Variants in NWD1 observed in about 807,000 individuals in gnomAD.
The protein encoded by NWD1 is NACHT and WD repeat domain containing 1.
NWD1 carries 129 observed loss-of-function variants against 135.1 expected under a neutral mutation model. The ratio of observed to expected loss-of-function variants is 0.96; its 90% confidence interval spans 0.83 to 1.11. The LOEUF is 1.11. Among genes scored for constraint, NWD1 ranks in the 50% least tolerant of loss-of-function variants. The pLI is 0.00. For synonymous variants in NWD1, 773 were observed against 786.0 expected (o/e 0.98, Z 0.28); for missense variants, 1,740 against 1,851.3 (o/e 0.94, Z 1.10).
intron 18 of NWD1, among the ~76,000 whole-genome samples, chr19:16,811,047 G>C (rs190428646): frequency 2.8e-4 from 43 of 152,052 alleles, no homozygotes; most frequent in Admixed American, 1.6e-3. Flanking sequence ...TTAATTTTTT[G>C]TAGAGACAGG....
At chr19:16,773,552 G>C (rs1969490452) in intron 11 of NWD1, among the ~76,000 whole-genome samples, 1 of 152,064 alleles carries the variant, frequency 6.6e-6, no homozygotes, top group African/African-American at 2.4e-5. Context: ...CCGATGCTAG[G>C]GGGTGCCTCC....
chr19:16,748,593 G>A (rs1176067762), intron 5 of NWD1, among the ~76,000 whole-genome samples: 1 of 152,076 alleles, frequency 6.6e-6, no homozygotes, highest in Non-Finnish European at 1.5e-5. Flanking sequence ...TTGGGAGGCC[G>A]AGGTTGAATT....
chr19:16,724,924 C>A (rs1967266937), intron 2 of NWD1, among the ~76,000 whole-genome samples: 1 of 151,920 alleles, frequency 6.6e-6, no homozygotes, highest in Admixed American at 6.6e-5. Context: ...GAACTCCTGA[C>A]CTCAGGTGGT....
intron 18 of NWD1, among the ~76,000 whole-genome samples, chr19:16,814,175 A>AT (rs1273173569): frequency 1.3e-5 from 2 of 151,958 alleles, no homozygotes; most frequent in Non-Finnish European, 2.9e-5. Context: ...ATGAGTTAAC[A>AT]TTTTTTGTAT....
rs534367849 is a variant in NWD1 at position 16,750,149 on chromosome 19, A to G, written c.1507A>G (p.Met503Val). 275 of 1,613,868 alleles carry G rather than the reference A, an allele frequency of 1.7e-4. 2 individuals carry two copies. In the East Asian group the frequency reaches 6.1e-3, roughly 36 times the overall value. ...KPLSGNQGQQ[M>V]IQLLLAAARR... ...CCTTTCCGGAAACCAAGGCCAGCAG[A>G]TGATCCAACTCCTGCTGGCAGCTGC... Residue 503 changes from methionine (M) to valine (V), a missense_variant, in exon 6 of 19, where the codon ATG (methionine) becomes GTG (valine). Coordinates refer to ENST00000524140, the MANE Select transcript of NWD1 (RefSeq NM_001007525.5).
In NWD1 at chr19:16,744,984, C is replaced by G. The variant is rs370163821; in HGVS notation, c.496+266C>G. On this transcript the variant is annotated intron_variant, in intron 5 of 18. Transcript: ENST00000524140. ...CCAGGGAGGTTCCTGGCACAGGGGC[C>G]GTATTAGTCTGTTCTCATGCCACTA... The G allele has an allele frequency of 1.9e-5, 12 of 629,782 alleles. No homozygotes were observed. In the East Asian group the frequency reaches 3.5e-4, roughly 18 times the overall value. 39.0% of individuals were successfully genotyped at this position (629,782 alleles called of 1,614,324 possible).
Position 16,744,554 on chromosome 19 carries a change from A to G in NWD1, c.332A>G (p.Asp111Gly). 1 of 1,535,676 alleles carries G rather than the reference A, an allele frequency of 6.5e-7. No homozygotes were observed. ...CTGGTGGCACGATACTTCCAGAGGGACGAGAATGCGTTTCCTCCCACCTAC... is the reference window on the plus strand; with the variant it reads ...CTGGTGGCACGATACTTCCAGAGGGGCGAGAATGCGTTTCCTCCCACCTAC... ...LELVARYFQRDENAFPPTYVL... is the reference protein window; with the variant it reads ...LELVARYFQRGENAFPPTYVL... Residue 111 changes from aspartate to glycine, a missense_variant, in exon 5 of 19, where the codon GAC becomes GGC. By Grantham distance (94) the Asp-to-Gly change is moderately conservative. Coordinates refer to ENST00000524140, the MANE Select transcript of NWD1 (RefSeq NM_001007525.5).
At position 16,738,879 on chromosome 19, in the gene NWD1, A is replaced by G. The variant is rs895370687; in HGVS notation, c.198+2129A>G. On this transcript the variant is annotated intron_variant, in intron 4 of 18. Coordinates refer to ENST00000524140, the MANE Select transcript of NWD1 (RefSeq NM_001007525.5). ...CATTATCTATAATATATAATACATT[A>G]TATATTATATATATATATATTTCAC... Among the ~76,000 whole-genome samples, 15 of 143,232 alleles carry G rather than the reference A, an allele frequency of 1.0e-4. 2 individuals are homozygous for G. Among genetic ancestry groups the G allele is most frequent in the African/African-American group, 2.0e-4 (8 of 39,062 alleles). 94.0% of individuals were successfully genotyped at this position (143,232 alleles called of 152,430 possible). A position where few individuals can be genotyped will look rare whatever the true frequency, so the allele number is the denominator to read the frequency against.
intron 6 of NWD1, among the ~76,000 whole-genome samples, chr19:16,753,405 G>A (rs188954042): frequency 2.6e-5 from 4 of 152,290 alleles, no homozygotes; most frequent in African/African-American, 9.6e-5. Context: ...AAAGCATGAT[G>A]ATAAGGTGGA....
At chr19:16,734,405 C>T (rs866562671) in intron 3 of NWD1, among the ~76,000 whole-genome samples, 8 of 151,674 alleles carry the variant, frequency 5.3e-5, no homozygotes, top group Admixed American at 2.0e-4. Flanking sequence ...AAAAATTAGC[C>T]GGGCATGTAG....
At chr19:16,767,909 T>C (rs1411372023) in intron 10 of NWD1, among the ~76,000 whole-genome samples, 1 of 152,022 alleles carries the variant, frequency 6.6e-6, no homozygotes, top group Admixed American at 6.6e-5. Context: ...TGTCCTTTAT[T>C]CTCTGACTTC....
Position 16,817,676 on chromosome 19 carries a change from C to G in NWD1, c.*2637C>G, listed in dbSNP as rs936396351. 3 of 151,766 alleles carry G rather than the reference C, an allele frequency of 2.0e-5. No individual in the cohort carries two copies. The highest frequency in any genetic ancestry group is 7.3e-5 in the African/African-American group (3 of 41,332). The allele number at this position is 151,766 out of a possible 1,614,324, so 9.4% of individuals were successfully genotyped here. A position where few individuals can be genotyped will look rare whatever the true frequency, so the allele number is the denominator to read the frequency against. Reference sequence around the variant, plus strand: ...AACCTAATAATTTAGGATTCTTCTGCCATTTTCATTTAACTGATTTAACTG... The same window carrying G: ...AACCTAATAATTTAGGATTCTTCTGGCATTTTCATTTAACTGATTTAACTG... On this transcript the variant is annotated 3_prime_UTR_variant, in exon 19 of 19. Coordinates refer to ENST00000524140, the MANE Select transcript of NWD1 (RefSeq NM_001007525.5).
intron 11 of NWD1, among the ~76,000 whole-genome samples, chr19:16,775,700 T>C (rs73521274): frequency 0.18 from 27,575 of 152,178 alleles, 5,882 homozygotes; most frequent in African/African-American, 0.52. Flanking sequence ...TGGAGTTTTG[T>C]TCTTGTCGCC....
intron 13 of NWD1, among the ~76,000 whole-genome samples, chr19:16,790,327 C>G (rs1192165926): frequency 6.6e-6 from 1 of 151,972 alleles, no homozygotes; most frequent in African/African-American, 2.4e-5. Context: ...ACTGTAAGCA[C>G]CAAATAATTG....
intron 10 of NWD1, among the ~76,000 whole-genome samples, chr19:16,768,876 C>A (rs915396589): frequency 6.6e-6 from 1 of 152,190 alleles, no homozygotes. Context: ...CTAATCCTGG[C>A]CCTGCAAACC....
chr19:16,751,741 C>A (rs972841727), intron 6 of NWD1, among the ~76,000 whole-genome samples: 5 of 148,714 alleles, frequency 3.4e-5, no homozygotes, highest in Admixed American at 1.4e-4. Flanking sequence ...GCAGAGGTTG[C>A]AGTGAGCTGA....
intron 12 of NWD1, among the ~76,000 whole-genome samples, chr19:16,783,908 A>T (rs1029367961): frequency 6.6e-6 from 1 of 152,084 alleles, no homozygotes; most frequent in South Asian, 2.1e-4. Context: ...TAACCTAGAG[A>T]TGATTTAAAA....
Position 16,750,154 on chromosome 19 carries a change from C to T in NWD1, c.1512C>T (p.Ile504=). ...CCGGAAACCAAGGCCAGCAGATGAT[C>T]CAACTCCTGCTGGCAGCTGCAAGGA... ...PLSGNQGQQM[I]QLLLAAARRT... Residue 504 remains isoleucine (I), a synonymous_variant, in exon 6 of 19, where the codon ATC becomes ATT. Transcript: ENST00000524140. The T allele has an allele frequency of 1.2e-6, 2 of 1,613,782 alleles. No homozygotes were observed. Among genetic ancestry groups the T allele is most frequent in the Non-Finnish European group, 1.7e-6 (2 of 1,179,954 alleles).
At chr19:16,736,262 C>T (rs1240639498) in intron 3 of NWD1, among the ~76,000 whole-genome samples, 2 of 73,886 alleles carry the variant, frequency 2.7e-5, no homozygotes, top group Non-Finnish European at 5.6e-5. Context: ...CAGAGCCTGG[C>T]TCTGCTGTCC....
Sources: gnomAD v4.1 joint callset for allele counts (sites outside exome capture counted in the v4.1 genomes callset) on GRCh38, gnomAD v4.1.1 for gene constraint, MANE v1.5 for transcripts, NCBI Gene and HGNC (gene_info 2026-07-23, HGNC 2026-07-21) for gene names.